The following MADCAM1 variants were observed in gnomAD, a reference collection of about 807,000 sequenced individuals.
The protein encoded by MADCAM1 is mucosal addressin cell adhesion molecule 1.
In MADCAM1, 19 loss-of-function variants were observed where a neutral mutation model predicts 26.1. The observed-to-expected ratio is 0.73, with a 90% CI of 0.51 to 1.07. The LOEUF is 1.07. Ranked by LOEUF, MADCAM1 falls within the 50% of genes least tolerant of loss-of-function variation. MADCAM1 has a pLI of 0.00. For synonymous variants in MADCAM1, 268 were observed against 260.9 expected (o/e 1.03, Z -0.26); for missense variants, 514 against 542.1 (o/e 0.95, Z 0.51).
Position 504,754 on chromosome 19 carries a change from C to T in MADCAM1, c.938C>T (p.Pro313Leu). 1 of 1,604,626 alleles carries T rather than the reference C, an allele frequency of 6.2e-7. No individual in the cohort carries two copies. Among genetic ancestry groups the T allele is most frequent in the Non-Finnish European group, 8.5e-7 (1 of 1,173,188 alleles). Residue 313 changes from proline (P) to leucine (L), a missense_variant, in exon 5 of 5, where the codon CCT (proline) becomes CTT (leucine). Transcript: ENST00000215637. The stretch of plus-strand genomic sequence containing the variant: ...TGCACTCTCTCCCCAGCGTCCAAAC[C>T]TGCGGGTGACCAGCTGCCCGCGGCT... ...GEVIPTGSSK[P>L]AGDQLPAALW...
chr19:501,328 A>G (rs1978323191), intron 3 of MADCAM1, among the ~76,000 whole-genome samples: 1 of 151,360 alleles, frequency 6.6e-6, no homozygotes, highest in Non-Finnish European at 1.5e-5. Context: ...TCTACTAAAA[A>G]TACAAAATTA....
rs1005015658 is a variant in MADCAM1, at chr19:503,632, A to G, written c.929-1113A>G. 1.0e-4 allele frequency among the ~76,000 whole-genome samples: 15 copies of G among 150,522 alleles called. No homozygotes were observed. The South Asian group carries it at 2.3e-3, about 23-fold the overall frequency. ...ATAATGTGGTCGGGCCAAGCATGGT[A>G]GCTCATGCCTGTAATGCCAGCACTT... On this transcript the variant is annotated intron_variant, in intron 4 of 4. Coordinates refer to ENST00000215637, the MANE Select transcript of MADCAM1 (RefSeq NM_130760.3).
rs145556632 is a variant in MADCAM1 at position 502,370 on chromosome 19, C to T, written c.928+441C>T. On this transcript the variant is annotated intron_variant, in intron 4 of 4. Transcript: ENST00000215637. ...AGGCTGGAGTGCAGTGGTGCAACCT[C>T]GACTCATTGCAACCTCCGCCTCCTG... Among the ~76,000 whole-genome samples, 729 of 151,980 alleles carry T rather than the reference C, an allele frequency of 4.8e-3. 8 individuals are homozygous for T. Among genetic ancestry groups the T allele is most frequent in the African/African-American group, 0.017 (688 of 41,434 alleles).
rs1033024909 is a variant in MADCAM1 at position 498,099 on chromosome 19, G to A, written c.319G>A (p.Val107Met). The A allele has an allele frequency of 1.4e-6, 2 of 1,393,352 alleles. No individual in the cohort carries two copies. The highest frequency in any genetic ancestry group is 1.9e-6 in the Non-Finnish European group (2 of 1,075,492). The allele number at this position is 1,393,352 out of a possible 1,614,324, so 86.3% of individuals were successfully genotyped here. A position where few individuals can be genotyped will look rare whatever the true frequency, so the allele number is the denominator to read the frequency against. Residue 107 changes from valine to methionine, a missense_variant, in exon 2 of 5, where the codon GTG becomes ATG. By Grantham distance (21) the Val-to-Met change is conservative. This residue lies in a region of MADCAM1 where 317 missense variants were observed against 313.6 expected (regional missense o/e 1.01). Coordinates refer to ENST00000215637, the MANE Select transcript of MADCAM1 (RefSeq NM_130760.3). ...CGGGGGCCGCACCTTCCAGCACACC[G>A]TGCAGCTCCTTGTGTACGGTGAGGC... ...SCGGRTFQHTVQLLVYAFPDQ... is the reference protein window; with the variant it reads ...SCGGRTFQHTMQLLVYAFPDQ...
At chr19:497,133 TCAGGAGAGAGAAGGGGCG>T (rs1330939746) in intron 1 of MADCAM1, among the ~76,000 whole-genome samples, 1 of 10,540 alleles carries the variant, frequency 9.5e-5, no homozygotes, top group Non-Finnish European at 1.6e-4. Context: ...GAGAAGGGGC[TCAGGAGAGAGAAGGGGCG>T]CAGGAGAGAG....
chr19:502,207 T>C (rs956997673), intron 4 of MADCAM1, among the ~76,000 whole-genome samples: 1 of 152,210 alleles, frequency 6.6e-6, no homozygotes, highest in Non-Finnish European at 1.5e-5. Flanking sequence ...CATCAGGGAC[T>C]GTGTAGATGT....
At chr19:497,174 G>C (rs557122915) in intron 1 of MADCAM1, among the ~76,000 whole-genome samples, 2 of 41,142 alleles carry the variant, frequency 4.9e-5, no homozygotes, top group African/African-American at 2.6e-4. Flanking sequence ...GGGGCGCGGA[G>C]GGGAGGGGGC....
Position 498,002 on chromosome 19 carries a change from G to T in MADCAM1, c.222G>T (p.Thr74=). 3 of 1,503,052 alleles carry T rather than the reference G, an allele frequency of 2.0e-6. No homozygotes were observed. Among genetic ancestry groups the T allele is most frequent in the East Asian group, 2.7e-5 (1 of 37,684 alleles). 93.1% of individuals were successfully genotyped at this position (1,503,052 alleles called of 1,614,324 possible). A position where few individuals can be genotyped will look rare whatever the true frequency, so the allele number is the denominator to read the frequency against. ...GCCTGGGCGCGGTGCAGTCGGACACGGGCCGCAGCGTCCTCACCGTGCGCA... is the reference window on the plus strand; with the variant it reads ...GCCTGGGCGCGGTGCAGTCGGACACTGGCCGCAGCGTCCTCACCGTGCGCA... The part of the protein sequence containing the change: ...DTSLGAVQSD[T]GRSVLTVRNA... Residue 74 remains threonine, a synonymous_variant, in exon 2 of 5, where the codon ACG becomes ACT. Transcript: ENST00000215637.
At chr19:503,389 G>T (rs992046977) in intron 4 of MADCAM1, among the ~76,000 whole-genome samples, 4 of 151,484 alleles carry the variant, frequency 2.6e-5, no homozygotes, top group Non-Finnish European at 4.4e-5. Flanking sequence ...AGACCATCCT[G>T]GCTAACACGG....
At chr19:498,356 A>T (rs1446660590) in intron 2 of MADCAM1, 140 bp from the exon 3 acceptor site, 1 of 994,492 alleles carries the variant, frequency 1.0e-6, no homozygotes, top group African/African-American at 1.7e-5. Flanking sequence ...GGGCCTGCGC[A>T]CAGGCCGTCC....
chr19:498,476 C>A lies in MADCAM1; in HGVS notation c.338-20C>A. 6.9e-7 allele frequency: 1 copy of A among 1,455,722 alleles called. No individual in the cohort carries two copies. The highest frequency in any genetic ancestry group is 1.5e-5 in the African/African-American group (1 of 67,802). The allele number at this position is 1,455,722 out of a possible 1,614,324, so 90.2% of individuals were successfully genotyped here. A position where few individuals can be genotyped will look rare whatever the true frequency, so the allele number is the denominator to read the frequency against. On this transcript the variant is annotated intron_variant, in intron 2 of 4. Transcript: ENST00000215637. The stretch of plus-strand genomic sequence containing the variant: ...GCCCTGACTCTGGGCTCAGCCCTCA[C>A]CCCCGACCCTCCATCACAGCCTTCC...
At position 497,921 on chromosome 19, in the gene MADCAM1, C is replaced by T. The variant is rs1394981883; in HGVS notation, c.141C>T (p.Cys47=). The T allele has an allele frequency of 5.0e-6, 7 of 1,390,162 alleles. No individual in the cohort carries two copies. The highest frequency in any genetic ancestry group is 1.5e-5 in the African/African-American group (1 of 65,818). 86.1% of individuals were successfully genotyped at this position (1,390,162 alleles called of 1,614,324 possible). ...VALGASRQLT[C]RLACADRGAS... ...TGGGCGCCTCGCGCCAGCTCACCTG[C>T]CGCCTGGCCTGCGCGGACCGCGGGG... Residue 47 remains cysteine, a synonymous_variant, in exon 2 of 5, where the codon TGC becomes TGT. Coordinates refer to ENST00000215637, the MANE Select transcript of MADCAM1 (RefSeq NM_130760.3).
At chr19:504,158 A>C (rs1978496515) in intron 4 of MADCAM1, among the ~76,000 whole-genome samples, 1 of 151,772 alleles carries the variant, frequency 6.6e-6, no homozygotes, top group Non-Finnish European at 1.5e-5. Flanking sequence ...AAGGAGATAT[A>C]TTACATTCCT....
chr19:499,700 C>G (rs1978309530), intron 3 of MADCAM1: 2 of 410,702 alleles, frequency 4.9e-6, no homozygotes, highest in South Asian at 3.5e-5. Flanking sequence ...TTGTGTCGCG[C>G]ACGGCTGTGT....
Position 496,489 on chromosome 19 carries a change from G to C in MADCAM1, c.-11G>C. On this transcript the variant is annotated 5_prime_UTR_variant, in exon 1 of 5. Coordinates refer to ENST00000215637, the MANE Select transcript of MADCAM1 (RefSeq NM_130760.3). ...GGCTTCCCCGCGGCCTCGGGACAGAGGGGACTGAGCATGGATTTCGGACTG... is the reference window on the plus strand; with the variant it reads ...GGCTTCCCCGCGGCCTCGGGACAGACGGGACTGAGCATGGATTTCGGACTG... 1 of 1,310,618 alleles carries C rather than the reference G, an allele frequency of 7.6e-7. No homozygotes were observed. The highest frequency in any genetic ancestry group is 9.8e-7 in the Non-Finnish European group (1 of 1,022,270). 81.2% of individuals were successfully genotyped at this position (1,310,618 alleles called of 1,614,324 possible).
chr19:501,738 C>CCTCCCGACACCACCTCCCA lies in MADCAM1; in HGVS notation c.737_738insCTCCCGACACCACCTCCCA (p.Glu247SerfsTer54), dbSNP rs770954228. 14,600 of 770,854 alleles carry CCTCCCGACACCACCTCCCA rather than the reference C, an allele frequency of 0.019. 1,640 individuals carry two copies. The African/African-American group carries it at 0.32, about 17-fold the overall frequency. 47.8% of individuals were successfully genotyped at this position (770,854 alleles called of 1,614,324 possible). On this transcript the variant is annotated frameshift_variant, in exon 4 of 5. Coordinates refer to ENST00000215637, the MANE Select transcript of MADCAM1 (RefSeq NM_130760.3). LOFTEE classifies it high-confidence loss of function. Reference sequence around the variant, plus strand: ...CCGGAGTCTCCCGACACCACCTCCCCGGAGTCTCCCGACACCACCTCCCAG... The same window carrying CCTCCCGACACCACCTCCCA: ...CCGGAGTCTCCCGACACCACCTCCCCCTCCCGACACCACCTCCCAGGAGTCTCCCGACACCACCTCCCAG...
intron 4 of MADCAM1, among the ~76,000 whole-genome samples, chr19:503,774 C>T (rs1203594338): frequency 1.3e-5 from 2 of 151,734 alleles, no homozygotes; most frequent in Non-Finnish European, 2.9e-5. Flanking sequence ...GTTGGCCAGA[C>T]ACGGTGGCTC....
rs60370701 is a variant in MADCAM1, at chr19:501,485, CAAAAAAAAAAAAAAAAAAAAA to C, written c.668-172_668-152del. The C allele has an allele frequency of 5.0e-4, 42 of 83,490 alleles. 2 individuals carry two copies. Among genetic ancestry groups the C allele is most frequent in the Non-Finnish European group, 9.7e-5 (5 of 51,670 alleles). The allele number at this position is 83,490 out of a possible 1,614,324, so 5.2% of individuals were successfully genotyped here. A position where few individuals can be genotyped will look rare whatever the true frequency, so the allele number is the denominator to read the frequency against. ...GGGTAACAAGAGCAAAACTCTGTCT[CAAAAAAAAAAAAAAAAAAAAA>C]AAAAAAAAAAAGAATAAATGGAAAT... On this transcript the variant is annotated intron_variant, in intron 3 of 4. Transcript: ENST00000215637.
intron 4 of MADCAM1, among the ~76,000 whole-genome samples, chr19:503,173 G>A (rs921950898): frequency 1.3e-5 from 2 of 152,116 alleles, no homozygotes; most frequent in Non-Finnish European, 2.9e-5. Flanking sequence ...CTTCCTACAG[G>A]TAATTTCAAA....
Sources: allele counts gnomAD v4.1 joint callset (sites outside exome capture counted in the v4.1 genomes callset), GRCh38; gene constraint gnomAD v4.1.1; regional missense constraint gnomAD v4.1.1; transcripts MANE v1.5; gene names NCBI Gene and HGNC (gene_info 2026-07-23, HGNC 2026-07-21).